Variants in PHACTR1 observed in about 807,000 individuals in gnomAD.
The protein encoded by PHACTR1 is phosphatase and actin regulator 1.
PHACTR1 carries 16 observed loss-of-function variants against 69.2 expected under a neutral mutation model. The ratio of observed to expected loss-of-function variants is 0.23; its 90% CI spans 0.16 to 0.35. The LOEUF is 0.35. Ranked by LOEUF, PHACTR1 falls within the 10% of genes least tolerant of loss-of-function variation. The pLI is 1.00. For synonymous variants in PHACTR1, 312 were observed against 284.5 expected (o/e 1.10, Z -0.97); for missense variants, 510 against 734.7 (o/e 0.69, Z 3.54).
intron 4 of PHACTR1, among the ~76,000 whole-genome samples, chr6:13,006,601 C>A (rs1050686018): frequency 1.3e-5 from 2 of 151,992 alleles, no homozygotes; most frequent in South Asian, 4.1e-4. Flanking sequence ...GATATATACA[C>A]AACTTATATT....
chr6:13,195,779 A>AAAAAAAAAAAAAG (rs201554952), intron 7 of PHACTR1, among the ~76,000 whole-genome samples: 82 of 118,550 alleles, frequency 6.9e-4, no homozygotes, highest in Non-Finnish European at 1.1e-3. Flanking sequence ...AAAAAAAAAA[A>AAAAAAAAAAAAAG]AGTTCATTTG....
At chr6:12,931,033 G>A (rs1788815517) in intron 4 of PHACTR1, among the ~76,000 whole-genome samples, 1 of 147,344 alleles carries the variant, frequency 6.8e-6, no homozygotes, top group African/African-American at 2.5e-5. Context: ...AAAAGAAGGT[G>A]ACAAATGCAC....
intron 10 of PHACTR1, among the ~76,000 whole-genome samples, chr6:13,254,528 T>C (rs1305249728): frequency 3.9e-5 from 6 of 152,196 alleles, no homozygotes. Context: ...GTCTCCTTCC[T>C]CTTTGGATAT....
intron 9 of PHACTR1, among the ~76,000 whole-genome samples, chr6:13,229,260 C>A (rs1024687275): frequency 6.6e-6 from 1 of 152,230 alleles, no homozygotes; most frequent in Non-Finnish European, 1.5e-5. Flanking sequence ...TGGCCTCTGT[C>A]CGCTAGATGC....
chr6:13,276,236 G>A (rs1307958411), intron 11 of PHACTR1: 5 of 152,146 alleles, frequency 3.3e-5, no homozygotes, highest in African/African-American at 4.8e-5. Context: ...GGGACCTCTG[G>A]TGACCTCAGC....
At chr6:13,198,466 C>T (rs1475284030) in intron 7 of PHACTR1, among the ~76,000 whole-genome samples, 6 of 152,066 alleles carry the variant, frequency 3.9e-5, no homozygotes, top group Non-Finnish European at 7.4e-5. Flanking sequence ...GAGTGTCAGA[C>T]GCTATGCCAC....
intron 5 of PHACTR1, among the ~76,000 whole-genome samples, chr6:13,123,135 A>C (rs970912959): frequency 6.6e-6 from 1 of 152,234 alleles, no homozygotes; most frequent in African/African-American, 2.4e-5. Flanking sequence ...CTTGGATATG[A>C]AGATAAACAT....
At chr6:13,269,875 C>A (rs1437377414) in intron 10 of PHACTR1, among the ~76,000 whole-genome samples, 6 of 152,166 alleles carry the variant, frequency 3.9e-5, no homozygotes, top group African/African-American at 1.4e-4. Context: ...TCTACTCTCA[C>A]ACTTAACACA....
At chr6:12,774,006 C>T (rs1175733177) in intron 4 of PHACTR1, among the ~76,000 whole-genome samples, 1 of 152,012 alleles carries the variant, frequency 6.6e-6, no homozygotes, top group Non-Finnish European at 1.5e-5. Flanking sequence ...CTCTGGGAAT[C>T]TAAAGAGTAC....
chr6:12,871,466 A>T (rs1261231673), intron 4 of PHACTR1, among the ~76,000 whole-genome samples: 1 of 151,948 alleles, frequency 6.6e-6, no homozygotes, highest in African/African-American at 2.4e-5. Flanking sequence ...TCCCCCTTTG[A>T]TTATGTGGTT....
intron 4 of PHACTR1, among the ~76,000 whole-genome samples, chr6:12,896,942 T>C (rs1225113570): frequency 6.6e-6 from 1 of 152,196 alleles, no homozygotes; most frequent in Non-Finnish European, 1.5e-5. Context: ...TGATCCCTTG[T>C]TGATAGTGAA....
intron 4 of PHACTR1, among the ~76,000 whole-genome samples, chr6:12,955,372 A>T (rs1281649822): frequency 6.6e-6 from 1 of 151,776 alleles, no homozygotes; most frequent in East Asian, 1.9e-4. Context: ...TTTTAATTTT[A>T]AAAAAAATTT....
Position 13,155,258 on chromosome 6 carries a change from A to G in PHACTR1, c.416-4946A>G, listed in dbSNP as rs535968007. Among the ~76,000 whole-genome samples, 5 of 152,272 alleles carry G rather than the reference A, an allele frequency of 3.3e-5. No individual in the cohort carries two copies. In the South Asian group the frequency reaches 8.3e-4, roughly 25 times the overall value. ...AATGTTACCATGCTTCGGTTGTCCT[A>G]CACTTTCTTTTCAATCATGCAGACC... On this transcript the variant is annotated intron_variant, in intron 5 of 14. Transcript: ENST00000332995.
Position 13,236,870 on chromosome 6 carries a change from GGAAGAGACA to G in PHACTR1, c.1391+6680_1391+6688del, listed in dbSNP as rs1347990360. Among the ~76,000 whole-genome samples, 4 of 152,118 alleles carry G rather than the reference GGAAGAGACA, an allele frequency of 2.6e-5. No homozygotes were observed. In the East Asian group the frequency reaches 7.7e-4, roughly 29 times the overall value. ...GGGACCATGACCCCAAATGCATGTGGGAAGAGACAGATATTGCACAGAAGTGAAGCAGAC... is the reference window on the plus strand; with the variant it reads ...GGGACCATGACCCCAAATGCATGTGGGATATTGCACAGAAGTGAAGCAGAC... On this transcript the variant is annotated intron_variant, in intron 10 of 14. Coordinates refer to ENST00000332995, the MANE Select transcript of PHACTR1 (RefSeq NM_030948.6).
At chr6:13,267,838 G>GGAAAAA (rs1362103977) in intron 10 of PHACTR1, 5 of 101,060 alleles carry the variant, frequency 4.9e-5, no homozygotes, top group African/African-American at 2.6e-4. Flanking sequence ...GGAATGATCT[G>GGAAAAA]AAAAAAAAAA....
chr6:12,850,894 A>G (rs1335248595), intron 4 of PHACTR1, among the ~76,000 whole-genome samples: 3 of 151,860 alleles, frequency 2.0e-5, no homozygotes, highest in Non-Finnish European at 4.4e-5. Context: ...CCTCAACTTA[A>G]CTCCCTTAAG....
chr6:13,286,290 T>C, intron 14 of PHACTR1, 68 bp downstream of exon 14: 2 of 1,320,484 alleles, frequency 1.5e-6, no homozygotes, highest in Non-Finnish European at 2.1e-6. Context: ...CAAATAAAGC[T>C]CTCCCACTTG....
At chr6:12,968,025 C>G (rs1469880282) in intron 4 of PHACTR1, among the ~76,000 whole-genome samples, 3 of 152,228 alleles carry the variant, frequency 2.0e-5, no homozygotes, top group African/African-American at 4.8e-5. Flanking sequence ...CATGGCAGAG[C>G]TGGCTTTATA....
At chr6:13,121,518 C>T (rs1232961921) in intron 5 of PHACTR1, among the ~76,000 whole-genome samples, 2 of 152,186 alleles carry the variant, frequency 1.3e-5, no homozygotes, top group African/African-American at 2.4e-5. Context: ...TTAACGATTA[C>T]ACTCTGCTAT....
Sources: gnomAD v4.1 joint callset for allele counts (sites outside exome capture counted in the v4.1 genomes callset) on GRCh38, gnomAD v4.1.1 for gene constraint, MANE v1.5 for transcripts, NCBI Gene and HGNC (gene_info 2026-07-23, HGNC 2026-07-21) for gene names.